Variants in TLN2 observed in about 807,000 individuals in gnomAD.
The protein encoded by TLN2 is talin 2.
In TLN2, 118 loss-of-function variants were observed where a neutral mutation model predicts 294.7. The observed-to-expected ratio is 0.40, with a 90% CI of 0.34 to 0.47. TLN2 has a LOEUF of 0.47. TLN2 is among the 20% of genes least tolerant of loss of function. TLN2 has a pLI of 0.84. For synonymous variants in TLN2, 1,431 were observed against 1,304.5 expected (o/e 1.10, Z -2.09); for missense variants, 3,083 against 3,282.2 (o/e 0.94, Z 1.48).
At chr15:62,799,001 G>A (rs1029638302) in intron 48 of TLN2, among the ~76,000 whole-genome samples, 2 of 152,180 alleles carry the variant, frequency 1.3e-5, no homozygotes, top group African/African-American at 2.4e-5. Context: ...GCAGTGAGCC[G>A]AGATCACGCC....
At chr15:62,677,275 C>A (rs2056318805) in intron 11 of TLN2, among the ~76,000 whole-genome samples, 1 of 152,124 alleles carries the variant, frequency 6.6e-6, no homozygotes, top group South Asian at 2.1e-4. Flanking sequence ...CATCAATTTC[C>A]ATTTATTTTC....
rs573852961 is a variant in TLN2, at chr15:62,748,085, G to A, written c.4026-266G>A. Among the ~76,000 whole-genome samples, 5 of 152,168 alleles carry A rather than the reference G, an allele frequency of 3.3e-5. No individual in the cohort carries two copies. In the South Asian group the frequency reaches 1.0e-3, roughly 32 times the overall value. ...CCACCTATAAGCAGATTTGCACAGT[G>A]CAAACCCATGTTGTTCAAAGGTCAA... is the stretch of plus-strand genomic sequence containing the variant. On this transcript the variant is annotated intron_variant, in intron 32 of 58. Transcript: ENST00000636159.
intron 9 of TLN2, among the ~76,000 whole-genome samples, chr15:62,665,189 A>G (rs2054462517): frequency 6.6e-6 from 1 of 152,086 alleles, no homozygotes; most frequent in South Asian, 2.1e-4. Context: ...CAGCCTCTCA[A>G]GTAGCTGGGA....
intron 58 of TLN2, among the ~76,000 whole-genome samples, chr15:62,839,513 C>A (rs1235357482): frequency 1.3e-5 from 2 of 152,346 alleles, no homozygotes; most frequent in East Asian, 3.9e-4. Flanking sequence ...CTTTCCCTCT[C>A]CCAGAACTTT....
At chr15:62,414,270 T>A (rs2033957775) in intron 1 of TLN2, among the ~76,000 whole-genome samples, 1 of 134,378 alleles carries the variant, frequency 7.4e-6, no homozygotes, top group Admixed American at 8.5e-5. Flanking sequence ...TTTGAGAATG[T>A]GGGGGAGGAG....
At chr15:62,657,744 ATGCTTT>A in intron 8 of TLN2, 21 bp from the exon 9 acceptor site, 2 of 1,609,112 alleles carry the variant, frequency 1.2e-6, no homozygotes, top group South Asian at 2.2e-5. Flanking sequence ...GAAGCCTCTG[ATGCTTT>A]TCCTTCCTCT....
At chr15:62,417,073 G>A (rs1023221592) in intron 1 of TLN2, among the ~76,000 whole-genome samples, 1 of 152,134 alleles carries the variant, frequency 6.6e-6, no homozygotes, top group African/African-American at 2.4e-5. Flanking sequence ...TTGACGTTGG[G>A]GAGTGCTGTG....
chr15:62,475,962 C>T (rs906763305), intron 1 of TLN2, among the ~76,000 whole-genome samples: 9 of 152,186 alleles, frequency 5.9e-5, no homozygotes, highest in Non-Finnish European at 1.2e-4. Context: ...TGCTGTTCCT[C>T]GCTGCTGATT....
At chr15:62,676,089 G>A (rs1354369204) in intron 11 of TLN2, among the ~76,000 whole-genome samples, 2 of 152,170 alleles carry the variant, frequency 1.3e-5, no homozygotes, top group Non-Finnish European at 2.9e-5. Context: ...CAAACCAGCC[G>A]TGTTGCGGCT....
chr15:62,409,976 G>A (rs1273786137), intron 1 of TLN2, among the ~76,000 whole-genome samples: 1 of 152,236 alleles, frequency 6.6e-6, no homozygotes, highest in Admixed American at 6.5e-5. Context: ...GGGTGCAGTG[G>A]CTCACGCCTG....
At chr15:62,574,829 A>G (rs955776844) in intron 1 of TLN2, among the ~76,000 whole-genome samples, 7 of 152,104 alleles carry the variant, frequency 4.6e-5, no homozygotes, top group Non-Finnish European at 1.0e-4. Flanking sequence ...AGTTGTAGAT[A>G]TAAAAATATA....
At chr15:62,517,200 T>C (rs1398389816) in intron 1 of TLN2, among the ~76,000 whole-genome samples, 1 of 152,234 alleles carries the variant, frequency 6.6e-6, no homozygotes, top group Non-Finnish European at 1.5e-5. Context: ...CCCCACTTTC[T>C]GCACCTGTGC....
chr15:62,759,653 AGAAGCAG>A (rs1299143914), intron 37 of TLN2, among the ~76,000 whole-genome samples: 3 of 152,228 alleles, frequency 2.0e-5, no homozygotes, highest in Non-Finnish European at 4.4e-5. Context: ...TGGAGAGGTA[AGAAGCAG>A]GAAGGGCGAG....
chr15:62,630,979 A>C (rs2049753336), intron 3 of TLN2, among the ~76,000 whole-genome samples: 1 of 152,204 alleles, frequency 6.6e-6, no homozygotes, highest in Non-Finnish European at 1.5e-5. Flanking sequence ...TAGAAAAGAA[A>C]ACTTAAAAGA....
At chr15:62,504,657 C>A (rs2039489464) in intron 1 of TLN2, among the ~76,000 whole-genome samples, 1 of 152,164 alleles carries the variant, frequency 6.6e-6, no homozygotes, top group South Asian at 2.1e-4. Context: ...TTAGGTTACA[C>A]CACATACAAA....
intron 1 of TLN2, among the ~76,000 whole-genome samples, chr15:62,514,611 GAA>G (rs1367553361): frequency 6.6e-6 from 1 of 152,190 alleles, no homozygotes; most frequent in African/African-American, 2.4e-5. Flanking sequence ...CAGAGGGAAA[GAA>G]AGGGAAATTG....
intron 31 of TLN2, 67 bp downstream of exon 31, chr15:62,739,612 G>C: frequency 6.4e-7 from 1 of 1,560,138 alleles, no homozygotes. Flanking sequence ...ATCCATCCTT[G>C]AGACTGACTG....
In TLN2 at chr15:62,801,634, A is replaced by G. The variant is rs116694752; in HGVS notation, c.6477+865A>G. On this transcript the variant is annotated intron_variant, in intron 50 of 58. Transcript: ENST00000636159. The stretch of plus-strand genomic sequence containing the variant: ...GAAACTTGGGTTTTCTTGTCATATC[A>G]TTAAAGAATCTAGCCTTGATTGATG... 6.2e-3 allele frequency among the ~76,000 whole-genome samples: 937 copies of G among 152,328 alleles called. 11 individuals carry two copies. The highest frequency in any genetic ancestry group is 0.021 in the African/African-American group (855 of 41,570).
rs576122687 is a variant in TLN2 at position 62,690,190 on chromosome 15, G to A, written c.1114-2650G>A. 1.3e-3 allele frequency: 201 copies of A among 156,884 alleles called. 1 individual carries two copies. Among genetic ancestry groups the A allele is most frequent in the African/African-American group, 1.8e-3 (71 of 40,560 alleles). The allele number at this position is 156,884 out of a possible 1,614,324, so 9.7% of individuals were successfully genotyped here. Reference sequence around the variant, plus strand: ...CTCCCGGACGGGGTGGCTGCCAGGCGGAGACGCTCCTCACTTCCCAGACGG... The same window carrying A: ...CTCCCGGACGGGGTGGCTGCCAGGCAGAGACGCTCCTCACTTCCCAGACGG... On this transcript the variant is annotated intron_variant, in intron 12 of 58. Transcript: ENST00000636159.
Sources: allele counts gnomAD v4.1 joint callset (sites outside exome capture counted in the v4.1 genomes callset), GRCh38; gene constraint gnomAD v4.1.1; transcripts MANE v1.5; gene names NCBI Gene and HGNC (gene_info 2026-07-23, HGNC 2026-07-21).